The following ALDH1A2 variants were observed in gnomAD, a reference collection of about 807,000 sequenced individuals.
ALDH1A2 encodes the protein retinal dehydrogenase 2.
A neutral mutation model predicts 60.3 loss-of-function variants in ALDH1A2; 27 were observed. The observed-to-expected ratio is 0.45, with a 90% CI of 0.33 to 0.62. ALDH1A2 has a LOEUF of 0.62. ALDH1A2 is among the 20% of genes least tolerant of loss of function. ALDH1A2 has a pLI of 0.02. For missense variants in ALDH1A2, 581 were observed against 643.8 expected (o/e 0.90, Z 1.06); for synonymous variants, 289 against 232.4 (o/e 1.24, Z -2.21).
At chr15:58,036,665 A>C (rs1374975619) in intron 1 of ALDH1A2, 10 of 151,588 alleles carry the variant, frequency 6.6e-5, no homozygotes, top group Non-Finnish European at 1.2e-4. Flanking sequence ...ATGAAATTGT[A>C]AGTACGACTG....
chr15:57,999,895 G>A (rs1895202301), intron 4 of ALDH1A2, among the ~76,000 whole-genome samples: 2 of 151,966 alleles, frequency 1.3e-5, no homozygotes, highest in South Asian at 4.1e-4. Flanking sequence ...AAAAAGGAAT[G>A]GGATCATGAC....
In ALDH1A2 at chr15:58,065,702, C is replaced by A. The variant is rs779384591; in HGVS notation, c.-52G>T. ...GCGGCGTGGGGCAGTGCGGGCTGTG[C>A]GCGCGGTCCGCGGCCCGGGGGCGCG... is the stretch of plus-strand genomic sequence containing the variant. On this transcript the variant is annotated 5_prime_UTR_variant, in exon 1 of 13. Transcript: ENST00000249750. 3.1e-6 allele frequency: 4 copies of A among 1,285,206 alleles called. No individual in the cohort carries two copies. Among genetic ancestry groups the A allele is most frequent in the East Asian group, 2.6e-5 (1 of 39,054 alleles). 79.6% of individuals were successfully genotyped at this position (1,285,206 alleles called of 1,614,324 possible).
At position 57,992,687 on chromosome 15, in the gene ALDH1A2, G is replaced by T. The variant is rs1894935549; in HGVS notation, c.798+18C>A. ...TTTGCAAGACTGTTCCTCAAGCCCT[G>T]GTTTTTCAGATACCTACCTCAGTAG... On this transcript the variant is annotated intron_variant, in intron 7 of 12. Transcript: ENST00000249750. 6 of 1,608,530 alleles carry T rather than the reference G, an allele frequency of 3.7e-6. No individual in the cohort carries two copies. Among genetic ancestry groups the T allele is most frequent in the Non-Finnish European group, 5.1e-6 (6 of 1,175,032 alleles).
chr15:57,995,771 G>A (rs1895041038), intron 4 of ALDH1A2, among the ~76,000 whole-genome samples: 2 of 152,028 alleles, frequency 1.3e-5, no homozygotes, highest in Admixed American at 1.3e-4. Context: ...ACATAGAAAT[G>A]AGAATGTCCT....
At chr15:58,004,892 A>T (rs1895400205) in intron 4 of ALDH1A2, among the ~76,000 whole-genome samples, 1 of 151,324 alleles carries the variant, frequency 6.6e-6, no homozygotes, top group Non-Finnish European at 1.5e-5. Flanking sequence ...CGATGACACA[A>T]ATGGAAAAAC....
chr15:57,976,942 A>G (rs987291052), intron 7 of ALDH1A2, among the ~76,000 whole-genome samples: 1 of 152,088 alleles, frequency 6.6e-6, no homozygotes, highest in Non-Finnish European at 1.5e-5. Flanking sequence ...CTGACTTTTT[A>G]ATGATCGCCA....
intron 1 of ALDH1A2, among the ~76,000 whole-genome samples, chr15:58,047,258 G>A (rs1207086113): frequency 1.3e-5 from 2 of 151,864 alleles, no homozygotes; most frequent in Non-Finnish European, 2.9e-5. Context: ...AATAGTAAAT[G>A]CTTCAAATGA....
At chr15:58,027,257 C>G (rs1387815476) in intron 1 of ALDH1A2, among the ~76,000 whole-genome samples, 2 of 152,110 alleles carry the variant, frequency 1.3e-5, no homozygotes, top group Non-Finnish European at 2.9e-5. Context: ...CCCAGGCAAA[C>G]AGTGGACCTA....
chr15:57,980,148 C>T (rs1055153192), intron 7 of ALDH1A2: 6 of 283,622 alleles, frequency 2.1e-5, no homozygotes, highest in South Asian at 1.5e-4. Context: ...ATTTGCAGCC[C>T]GATGACGCAC....
intron 1 of ALDH1A2, among the ~76,000 whole-genome samples, chr15:58,044,986 T>TA (rs1896602468): frequency 6.6e-6 from 1 of 151,898 alleles, no homozygotes; most frequent in South Asian, 2.1e-4. Context: ...AAAGTCTTTA[T>TA]AAAATGGTCA....
At chr15:57,990,691 A>G (rs1244190548) in intron 7 of ALDH1A2, 1 of 152,132 alleles carries the variant, frequency 6.6e-6, no homozygotes. Flanking sequence ...CTTGGCCAAC[A>G]TGGCAAAACC....
chr15:57,961,324 T>C (rs769511755), intron 10 of ALDH1A2, 30 bp from the exon 11 acceptor site: 1 of 1,611,116 alleles, frequency 6.2e-7, no homozygotes, highest in Non-Finnish European at 8.5e-7. Context: ...CTCAACATGG[T>C]TGCTCTGTCA....
chr15:58,064,352 G>C (rs1242808109), intron 1 of ALDH1A2, among the ~76,000 whole-genome samples: 4 of 152,094 alleles, frequency 2.6e-5, no homozygotes, highest in African/African-American at 9.7e-5. Context: ...CATCTAAATC[G>C]ACATTCAAAA....
At chr15:58,035,159 T>C (rs1320161123) in intron 1 of ALDH1A2, among the ~76,000 whole-genome samples, 1 of 151,646 alleles carries the variant, frequency 6.6e-6, no homozygotes, top group African/African-American at 2.4e-5. Context: ...TTCATACATA[T>C]TTCTCTTTGA....
chr15:57,963,842 T>A, intron 9 of ALDH1A2, 43 bp downstream of exon 9: 2 of 1,608,618 alleles, frequency 1.2e-6, no homozygotes, highest in Non-Finnish European at 1.7e-6. Flanking sequence ...TCTGTGCCAG[T>A]CAAGGATTAA....
rs542496091 is a variant in ALDH1A2 at position 58,034,666 on chromosome 15, C to G, written c.118-20385G>C. Among the ~76,000 whole-genome samples the G allele has an allele frequency of 7.9e-5, 12 of 151,702 alleles. No homozygotes were observed. The South Asian group carries it at 2.5e-3, about 31-fold the overall frequency. ...TTCATAATTTTTGAGAGTCTTCCTT[C>G]TTTATATGATGAATGGGTGCTGAAT... On this transcript the variant is annotated intron_variant, in intron 1 of 12. Transcript: ENST00000249750.
intron 7 of ALDH1A2, among the ~76,000 whole-genome samples, chr15:57,974,219 G>C (rs1894164038): frequency 6.6e-6 from 1 of 152,060 alleles, no homozygotes; most frequent in Non-Finnish European, 1.5e-5. Flanking sequence ...GGATCACGTG[G>C]TCAGGAGATC....
chr15:58,042,476 T>C (rs1400461415), intron 1 of ALDH1A2, among the ~76,000 whole-genome samples: 1 of 151,994 alleles, frequency 6.6e-6, no homozygotes, highest in East Asian at 1.9e-4. Flanking sequence ...GTATTGATAT[T>C]ACATAAGAAG....
At chr15:57,978,898 T>C (rs1894375980) in intron 7 of ALDH1A2, among the ~76,000 whole-genome samples, 1 of 152,144 alleles carries the variant, frequency 6.6e-6, no homozygotes, top group Non-Finnish European at 1.5e-5. Context: ...TAGCCAAGCA[T>C]GGTGGCACAT....
Sources: allele counts gnomAD v4.1 joint callset (sites outside exome capture counted in the v4.1 genomes callset), GRCh38; gene constraint gnomAD v4.1.1; transcripts MANE v1.5; gene names NCBI Gene and HGNC (gene_info 2026-07-23, HGNC 2026-07-21).